SPPL3: variants seen among roughly 807,000 people sequenced by gnomAD.
SPPL3 encodes the protein signal peptide peptidase like 3.
SPPL3 carries 5 observed loss-of-function variants against 42.4 expected under a neutral mutation model. That is an observed-to-expected ratio of 0.12 (90% CI 0.06 to 0.25). The LOEUF (loss-of-function observed/expected upper bound fraction) is 0.25. Ranked by LOEUF, SPPL3 falls within the 10% of genes least tolerant of loss-of-function variation. SPPL3 has a pLI of 1.00. For missense variants in SPPL3, 235 were observed against 489.0 expected, an observed-to-expected ratio of 0.48 and a Z score of 4.90; for synonymous variants, 195 against 181.8, an observed-to-expected ratio of 1.07 and a Z score of -0.58.
intron 1 of SPPL3, among the ~76,000 whole-genome samples, chr12:120,834,920 T>A (rs1047381946): frequency 6.6e-6 from 1 of 152,204 alleles, no homozygotes; most frequent in African/African-American, 2.4e-5. Flanking sequence ...AAACACACAT[T>A]TCTGAACTAT....
chr12:120,768,797 C>A (rs769132032), intron 7 of SPPL3, among the ~76,000 whole-genome samples, 156 bp downstream of exon 7: 1 of 152,212 alleles, frequency 6.6e-6, no homozygotes, highest in African/African-American at 2.4e-5. Context: ...ACAAAAGGAT[C>A]GGACTGCACA....
chr12:120,767,662 G>T, intron 8 of SPPL3, 69 bp from the exon 9 acceptor site: 1 of 1,534,274 alleles, frequency 6.5e-7, no homozygotes, highest in Non-Finnish European at 9.0e-7. Context: ...TTTGTGCAAA[G>T]TTTGTTAGCT....
intron 6 of SPPL3, among the ~76,000 whole-genome samples, chr12:120,781,384 T>C (rs75195739): frequency 0.02 from 3,080 of 152,168 alleles, 59 homozygotes; most frequent in South Asian, 0.051. Flanking sequence ...GGATATGATA[T>C]ACTTTTATGT....
intron 3 of SPPL3, among the ~76,000 whole-genome samples, chr12:120,791,148 G>A (rs1463648371): frequency 6.6e-6 from 1 of 152,078 alleles, no homozygotes; most frequent in Non-Finnish European, 1.5e-5. Context: ...GAACATCTTG[G>A]CAAAAATTTC....
At chr12:120,854,175 A>G (rs1872372445) in intron 1 of SPPL3, among the ~76,000 whole-genome samples, 1 of 152,200 alleles carries the variant, frequency 6.6e-6, no homozygotes, top group Non-Finnish European at 1.5e-5. Flanking sequence ...GAGTAAATGT[A>G]AGAACACATG....
chr12:120,821,444 A>T (rs1871068270), intron 1 of SPPL3, among the ~76,000 whole-genome samples: 3 of 152,260 alleles, frequency 2.0e-5, no homozygotes. Context: ...GAAAGAAATT[A>T]GGCAACTGGT....
At chr12:120,846,781 A>T (rs1295389007) in intron 1 of SPPL3, among the ~76,000 whole-genome samples, 2 of 152,258 alleles carry the variant, frequency 1.3e-5, no homozygotes, top group Non-Finnish European at 2.9e-5. Context: ...TAGTTGAGCC[A>T]TTTATAAAGT....
intron 1 of SPPL3, among the ~76,000 whole-genome samples, chr12:120,812,840 A>C (rs1464060328): frequency 6.6e-6 from 1 of 152,224 alleles, no homozygotes; most frequent in Admixed American, 6.5e-5. Flanking sequence ...TGACAACCTC[A>C]AACAGTTGTT....
rs149508704 is a variant in SPPL3, at chr12:120,833,245, T to C, written c.24-22359A>G. Among the ~76,000 whole-genome samples the C allele has an allele frequency of 2.0e-4, 30 of 152,156 alleles. 1 individual carries two copies. Among genetic ancestry groups the C allele is most frequent in the Admixed American group, 5.2e-4 (8 of 15,276 alleles). ...ACGATGGCATAATGACAAAGAAGTG[T>C]GGGGCATGTGTTAAGTACTTGGAGC... On this transcript the variant is annotated intron_variant, in intron 1 of 10. Transcript: ENST00000353487.
intron 1 of SPPL3, among the ~76,000 whole-genome samples, chr12:120,818,245 A>G (rs541682891): frequency 2.0e-5 from 3 of 152,312 alleles, no homozygotes; most frequent in African/African-American, 7.2e-5. Flanking sequence ...GACACACCAA[A>G]ATCAGGTTAG....
chr12:120,897,514 G>A (rs956432063), intron 1 of SPPL3, among the ~76,000 whole-genome samples: 4 of 152,056 alleles, frequency 2.6e-5, no homozygotes, highest in Middle Eastern at 3.4e-3. Flanking sequence ...ATGAGGTCAG[G>A]AGATCAAGAC....
chr12:120,790,328 G>A (rs1468902385), intron 3 of SPPL3, among the ~76,000 whole-genome samples: 5 of 152,184 alleles, frequency 3.3e-5, no homozygotes, highest in Admixed American at 1.3e-4. Flanking sequence ...GTCTGTGCCC[G>A]GTGAAAACTG....
At chr12:120,802,495 CGCAATCTCGGCTCACT>C (rs1855293440) in intron 2 of SPPL3, among the ~76,000 whole-genome samples, 2 of 146,540 alleles carry the variant, frequency 1.4e-5, no homozygotes, top group African/African-American at 5.1e-5. Flanking sequence ...AGTGCAGTGG[CGCAATCTCGGCTCACT>C]GCAACCTCTG....
chr12:120,893,028 T>C (rs118133094), intron 1 of SPPL3, among the ~76,000 whole-genome samples: 2,953 of 146,704 alleles, frequency 0.02, 57 homozygotes, highest in South Asian at 0.053. Context: ...GTGGACAATA[T>C]ACAAACCAAG....
At chr12:120,778,412 C>T (rs765423880) in intron 6 of SPPL3, among the ~76,000 whole-genome samples, 60 of 152,152 alleles carry the variant, frequency 3.9e-4, no homozygotes, top group Admixed American at 5.2e-4. Flanking sequence ...CCACCGCGCC[C>T]GGCCTGAACA....
At chr12:120,765,823 A>G (rs1412355449) in intron 10 of SPPL3, among the ~76,000 whole-genome samples, 1 of 152,214 alleles carries the variant, frequency 6.6e-6, no homozygotes, top group Non-Finnish European at 1.5e-5. Flanking sequence ...GAGAATAGAT[A>G]TCTGGGAAAT....
At position 120,763,466 on chromosome 12, in the gene SPPL3, G is replaced by A. The variant is rs937569895; in HGVS notation, c.*1533C>T. On this transcript the variant is annotated 3_prime_UTR_variant, in exon 11 of 11. Transcript: ENST00000353487. ...GGCGGGGACCCTTGGGGAGAGGCTG[G>A]AACTCAGGGCCCTTCTCCAGCCTTT... The A allele has an allele frequency of 6.5e-6, 1 of 152,824 alleles. No homozygotes were observed. Among genetic ancestry groups the A allele is most frequent in the African/African-American group, 2.4e-5 (1 of 41,456 alleles). 9.5% of individuals were successfully genotyped at this position (152,824 alleles called of 1,614,324 possible).
At chr12:120,780,737 A>C (rs1869501555) in intron 6 of SPPL3, among the ~76,000 whole-genome samples, 1 of 113,528 alleles carries the variant, frequency 8.8e-6, no homozygotes, top group Non-Finnish European at 2.0e-5. Context: ...AAAAATACAA[A>C]AATTAAAAAA....
chr12:120,798,835 T>C (rs1778786267), intron 2 of SPPL3, among the ~76,000 whole-genome samples: 2 of 152,208 alleles, frequency 1.3e-5, no homozygotes, highest in South Asian at 4.1e-4. Context: ...GTTGGCATTA[T>C]ATCGCTATTC....
Sources: allele counts gnomAD v4.1 joint callset (sites outside exome capture counted in the v4.1 genomes callset), GRCh38; gene constraint gnomAD v4.1.1; transcripts MANE v1.5; gene names NCBI Gene and HGNC (gene_info 2026-07-23, HGNC 2026-07-21).